ZBTB16: variants seen among roughly 807,000 people sequenced by gnomAD.
ZBTB16 encodes the protein zinc finger and BTB domain containing 16.
Under a neutral mutation model 56.8 loss-of-function variants are expected in ZBTB16, and 8 were observed. The ratio of observed to expected loss-of-function variants is 0.14; its 90% CI spans 0.08 to 0.25. ZBTB16 has a LOEUF of 0.25. ZBTB16 is among the 10% of genes least tolerant of loss of function. ZBTB16 has a pLI of 1.00. For synonymous variants in ZBTB16, 363 were observed against 368.5 expected, an observed-to-expected ratio of 0.98 and a Z score of 0.17; for missense variants, 625 against 903.0, an observed-to-expected ratio of 0.69 and a Z score of 3.95.
In ZBTB16 at chr11:114,250,235, C is replaced by A. The variant is rs572129658; in HGVS notation, c.1793-91C>A. 9 of 1,472,092 alleles carry A rather than the reference C, an allele frequency of 6.1e-6. No homozygotes were observed. In the Admixed American group the frequency reaches 1.3e-4, roughly 22 times the overall value. 91.2% of individuals were successfully genotyped at this position (1,472,092 alleles called of 1,614,324 possible). Reference sequence around the variant, plus strand: ...TTGGAGCAAGCCCAGCTGGAGGAACCCAGCTTCCCTGGCACGCCTGAGGGT... The same window carrying A: ...TTGGAGCAAGCCCAGCTGGAGGAACACAGCTTCCCTGGCACGCCTGAGGGT... On this transcript the variant is annotated intron_variant, in intron 6 of 6. Transcript: ENST00000335953. The surrounding 1 kb of genome is among the most constrained non-coding windows in gnomAD (Gnocchi z 6.0).
chr11:114,212,627 C>T (rs373727096), intron 4 of ZBTB16, among the ~76,000 whole-genome samples: 3 of 152,188 alleles, frequency 2.0e-5, no homozygotes, highest in South Asian at 4.1e-4. Flanking sequence ...TCTGTATTTC[C>T]TAGTGCTCCT....
intron 4 of ZBTB16, among the ~76,000 whole-genome samples, chr11:114,204,131 A>G (rs1023755023): frequency 1.3e-5 from 2 of 151,932 alleles, no homozygotes; most frequent in Non-Finnish European, 2.9e-5. Flanking sequence ...AACAAAAGAA[A>G]TATGTTCTCT....
Position 114,254,089 on chromosome 11 carries a change from C to T in ZBTB16, c.*3534C>T. ...CCCTTAATGCATTTGGTGACATTTACACCTCATGTGCTCTTTCCCTATTCA... is the reference window on the plus strand; with the variant it reads ...CCCTTAATGCATTTGGTGACATTTATACCTCATGTGCTCTTTCCCTATTCA... On this transcript the variant is annotated 3_prime_UTR_variant, in exon 7 of 7. Coordinates refer to ENST00000335953, the MANE Select transcript of ZBTB16 (RefSeq NM_006006.6). Among the ~76,000 whole-genome samples the T allele has an allele frequency of 5.2e-5, 1 of 19,252 alleles. No homozygotes were observed. The highest frequency in any genetic ancestry group is 7.4e-3 in the South Asian group (1 of 136). 12.6% of individuals were successfully genotyped at this position (19,252 alleles called of 152,430 possible). A position where few individuals can be genotyped will look rare whatever the true frequency, so the allele number is the denominator to read the frequency against.
In ZBTB16 at chr11:114,238,439, G is replaced by A. The variant is rs1488628770; in HGVS notation, c.1454-3728G>A. Among the ~76,000 whole-genome samples, 3 of 151,826 alleles carry A rather than the reference G, an allele frequency of 2.0e-5. No individual in the cohort carries two copies. The East Asian group carries it at 5.8e-4, about 29-fold the overall frequency. On this transcript the variant is annotated intron_variant, in intron 4 of 6. Coordinates refer to ENST00000335953, the MANE Select transcript of ZBTB16 (RefSeq NM_006006.6). ...GGTGCCAGCATGTTCAGGTTCTGGT[G>A]AGGGTCCTCCTCCTGGTTGCAGACT...
rs938598189 is a variant in ZBTB16 at position 114,088,286 on chromosome 11, C to T, written c.1268+23718C>T. Among the ~76,000 whole-genome samples the T allele has an allele frequency of 3.3e-5, 5 of 151,904 alleles. No homozygotes were observed. In the East Asian group the frequency reaches 9.6e-4, roughly 29 times the overall value. Reference sequence around the variant, plus strand: ...CCTCCCGAGTAGCTGAGATTACAGACATGCGCTACCATGCCTGGCTAATTT... The same window carrying T: ...CCTCCCGAGTAGCTGAGATTACAGATATGCGCTACCATGCCTGGCTAATTT... On this transcript the variant is annotated intron_variant, in intron 2 of 6. Coordinates refer to ENST00000335953, the MANE Select transcript of ZBTB16 (RefSeq NM_006006.6).
intron 3 of ZBTB16, among the ~76,000 whole-genome samples, chr11:114,180,311 C>T (rs545884): frequency 0.18 from 27,571 of 152,112 alleles, 2,916 homozygotes; most frequent in African/African-American, 0.3. Context: ...GCAAGGATGT[C>T]CGCCTGTCTC....
At chr11:114,096,396 T>G (rs1266516411) in intron 2 of ZBTB16, among the ~76,000 whole-genome samples, 1 of 152,230 alleles carries the variant, frequency 6.6e-6, no homozygotes, top group Non-Finnish European at 1.5e-5. Flanking sequence ...CTTAGCATGT[T>G]AAGTTTTTAA....
intron 6 of ZBTB16, among the ~76,000 whole-genome samples, chr11:114,249,457 CAAAAAAAAAAAAAAAAA>C (rs57092004): frequency 2.9e-4 from 7 of 24,190 alleles, no homozygotes; most frequent in African/African-American, 1.2e-3. Flanking sequence ...GACTCCATCT[CAAAAAAAAAAAAAAAAA>C]AAAAAAAAAG....
In ZBTB16 at chr11:114,200,689, C is replaced by G. The variant is rs76761346; in HGVS notation, c.1453+13651C>G. Reference sequence around the variant, plus strand: ...CTCAGAATTGTCCCCACATCCGAGTCCTGAATAATCAACCTCAGTTCTTGA... The same window carrying G: ...CTCAGAATTGTCCCCACATCCGAGTGCTGAATAATCAACCTCAGTTCTTGA... On this transcript the variant is annotated intron_variant, in intron 4 of 6. Coordinates refer to ENST00000335953, the MANE Select transcript of ZBTB16 (RefSeq NM_006006.6). Among the ~76,000 whole-genome samples the G allele has an allele frequency of 1.9e-4, 29 of 152,258 alleles. No homozygotes were observed. The East Asian group carries it at 5.4e-3, about 28-fold the overall frequency.
Position 114,199,395 on chromosome 11 carries a change from G to A in ZBTB16, c.1453+12357G>A, listed in dbSNP as rs1047318964. Reference sequence around the variant, plus strand: ...CATGGATGCCGCTGGGCCCCGGGACGGGGATGCTGGACATGGATGCTGGGC... The same window carrying A: ...CATGGATGCCGCTGGGCCCCGGGACAGGGATGCTGGACATGGATGCTGGGC... On this transcript the variant is annotated intron_variant, in intron 4 of 6. Transcript: ENST00000335953. 3.3e-5 allele frequency among the ~76,000 whole-genome samples: 5 copies of A among 151,828 alleles called. No homozygotes were observed. The East Asian group carries it at 5.8e-4, about 18-fold the overall frequency.
rs1319466694 is a variant in ZBTB16, at chr11:114,250,525, G to C, written c.1992G>C (p.Glu664Asp). 6.2e-7 allele frequency: 1 copy of C among 1,614,158 alleles called. No homozygotes were observed. Among genetic ancestry groups the C allele is most frequent in the Non-Finnish European group, 8.5e-7 (1 of 1,180,030 alleles). Residue 664 changes from glutamate (E) to aspartate (D), a missense_variant, in exon 7 of 7, where the codon GAG becomes GAC. Transcript: ENST00000335953. The surrounding 1 kb of genome is among the most constrained non-coding windows in gnomAD (Gnocchi z 6.0). ...AGATCCCGCCCGACTGGAGGATAGA[G>C]AAGACGTACCTCTACCTGTGCTATG... ...PEEIPPDWRI[E>D]KTYLYLCYV
At chr11:114,169,279 T>TG (rs535739698) in intron 3 of ZBTB16, among the ~76,000 whole-genome samples, 76 of 152,158 alleles carry the variant, frequency 5.0e-4, no homozygotes, top group Non-Finnish European at 9.8e-4. Flanking sequence ...TCAAGCGTCT[T>TG]GGAGTATGAT....
chr11:114,192,662 C>T (rs1943525652), intron 4 of ZBTB16, among the ~76,000 whole-genome samples: 1 of 152,154 alleles, frequency 6.6e-6, no homozygotes, highest in African/African-American at 2.4e-5. Context: ...GTCAGCATCT[C>T]CCTAGCTCAG....
At chr11:114,126,087 T>TG (rs1268713102) in intron 2 of ZBTB16, among the ~76,000 whole-genome samples, 4 of 152,172 alleles carry the variant, frequency 2.6e-5, no homozygotes, top group African/African-American at 9.7e-5. Context: ...TCCTCCTAGA[T>TG]GGAAAGGTTG....
In ZBTB16 at chr11:114,068,467, G is replaced by C. The variant is rs553454014; in HGVS notation, c.1268+3899G>C. Among the ~76,000 whole-genome samples, 7 of 152,196 alleles carry C rather than the reference G, an allele frequency of 4.6e-5. No individual in the cohort carries two copies. In the East Asian group the frequency reaches 1.2e-3, roughly 25 times the overall value. ...CAGCGGACAGCAAGATGTACAAGCC[G>C]TCCACTGCAGGAATGACGTGCTGTA... On this transcript the variant is annotated intron_variant, in intron 2 of 6. Transcript: ENST00000335953.
chr11:114,063,134 CT>C lies in ZBTB16; in HGVS notation c.-90-75del. The C allele has an allele frequency of 1.3e-6, 1 of 748,680 alleles. No individual in the cohort carries two copies. Among genetic ancestry groups the C allele is most frequent in the Middle Eastern group, 3.7e-4 (1 of 2,684 alleles). The allele number at this position is 748,680 out of a possible 1,614,324, so 46.4% of individuals were successfully genotyped here. On this transcript the variant is annotated intron_variant, in intron 1 of 6. Coordinates refer to ENST00000335953, the MANE Select transcript of ZBTB16 (RefSeq NM_006006.6). This position sits in a 1 kb window ranked among gnomAD's most constrained non-coding sequence, Gnocchi z 6.5. ...GGGGGCATGTTGTAGTGGTTGAATT[CT>C]TACTTTTAGGGACACTGATGAATTT...
At chr11:114,098,351 G>A (rs911262336) in intron 2 of ZBTB16, among the ~76,000 whole-genome samples, 3 of 152,098 alleles carry the variant, frequency 2.0e-5, no homozygotes, top group Non-Finnish European at 4.4e-5. Flanking sequence ...CCAGGCGTGT[G>A]GGCGCACTGG....
intron 3 of ZBTB16, chr11:114,180,738 G>T (rs1943228242): frequency 6.6e-6 from 1 of 152,262 alleles, no homozygotes. Flanking sequence ...ACCTGCCTGG[G>T]ACTTTCTTTG....
chr11:114,162,599 CA>C (rs1417621080), intron 3 of ZBTB16, among the ~76,000 whole-genome samples: 1 of 152,224 alleles, frequency 6.6e-6, no homozygotes, highest in Non-Finnish European at 1.5e-5. Context: ...GCCCACTCTC[CA>C]GTCAATACCA....
Sources: gnomAD v4.1 joint callset for allele counts (sites outside exome capture counted in the v4.1 genomes callset) on GRCh38, gnomAD v4.1.1 for gene constraint, Gnocchi (gnomAD v3.1) non-coding constraint, MANE v1.5 for transcripts, NCBI Gene and HGNC (gene_info 2026-07-23, HGNC 2026-07-21) for gene names.